The following TMEM68 variants were observed in gnomAD, a reference collection of about 807,000 sequenced individuals.
TMEM68 encodes transmembrane protein 68.
A neutral mutation model predicts 36.9 loss-of-function variants in TMEM68; 25 were observed. That is an observed-to-expected ratio of 0.68 (90% CI 0.49 to 0.95). The LOEUF is 0.95. Among genes scored for constraint, TMEM68 ranks in the 40% least tolerant of loss-of-function variants. The pLI is 0.00. For missense variants in TMEM68, 333 were observed against 392.0 expected, an observed-to-expected ratio of 0.85 and a Z score of 1.27; for synonymous variants, 131 against 124.4, an observed-to-expected ratio of 1.05 and a Z score of -0.35.
chr8:55,746,775 A>G (rs2129925530), intron 5 of TMEM68: 1 of 152,334 alleles, frequency 6.6e-6, no homozygotes, highest in East Asian at 1.9e-4. Context: ...CTACTACTTC[A>G]CATATAACTA....
At chr8:55,750,339 C>T (rs555355712) in intron 5 of TMEM68, among the ~76,000 whole-genome samples, 1 of 152,086 alleles carries the variant, frequency 6.6e-6, no homozygotes, top group South Asian at 2.1e-4. Flanking sequence ...CTCTAACTGG[C>T]CTGGAAAAAG....
intron 6 of TMEM68, among the ~76,000 whole-genome samples, chr8:55,744,609 T>A (rs980805846): frequency 6.6e-6 from 1 of 152,042 alleles, no homozygotes; most frequent in African/African-American, 2.4e-5. Context: ...TCCCGGCCGC[T>A]ACAAAATATT....
intron 5 of TMEM68, 58 bp from the exon 6 acceptor site, chr8:55,745,179 C>A: frequency 4.2e-6 from 5 of 1,178,894 alleles, no homozygotes; most frequent in South Asian, 3.4e-5. Flanking sequence ...TCAATGTCTC[C>A]ATTAGAGTAA....
intron 1 of TMEM68, among the ~76,000 whole-genome samples, chr8:55,764,559 A>G (rs1326567126): frequency 6.6e-6 from 1 of 152,210 alleles, no homozygotes; most frequent in East Asian, 1.9e-4. Flanking sequence ...AGAAAAATGT[A>G]TTGTTTTTAT....
intron 7 of TMEM68, among the ~76,000 whole-genome samples, chr8:55,741,625 G>A (rs1430047672): frequency 1.3e-5 from 2 of 152,170 alleles, no homozygotes; most frequent in Non-Finnish European, 1.5e-5. Context: ...GTGAGCAGGG[G>A]AGGACACATG....
intron 1 of TMEM68, among the ~76,000 whole-genome samples, chr8:55,769,954 A>T (rs1380213349): frequency 1.3e-5 from 2 of 152,172 alleles, no homozygotes; most frequent in African/African-American, 2.4e-5. Flanking sequence ...TTTAACAGAA[A>T]TCTGGATCAA....
At chr8:55,759,307 G>A (rs889755903) in intron 3 of TMEM68, among the ~76,000 whole-genome samples, 4 of 151,086 alleles carry the variant, frequency 2.6e-5, no homozygotes, top group East Asian at 1.9e-4. Flanking sequence ...ACAGTGGCTC[G>A]TGCCTATAAT....
chr8:55,758,853 T>G (rs1810687580), intron 3 of TMEM68, among the ~76,000 whole-genome samples: 1 of 151,998 alleles, frequency 6.6e-6, no homozygotes, highest in South Asian at 2.1e-4. Context: ...GTGGAAAAGG[T>G]GGATACATGC....
At chr8:55,760,212 T>C (rs1008535040) in intron 3 of TMEM68, among the ~76,000 whole-genome samples, 12 of 152,246 alleles carry the variant, frequency 7.9e-5, no homozygotes, top group African/African-American at 2.2e-4. Context: ...GATCCAACTA[T>C]GCCTCAGAGG....
At chr8:55,745,500 C>T (rs1331391683) in intron 5 of TMEM68, 1 of 152,932 alleles carries the variant, frequency 6.5e-6, no homozygotes, top group African/African-American at 2.4e-5. Flanking sequence ...GGAAACACTA[C>T]CCTCCAGTGG....
chr8:55,754,466 T>C (rs13271952), intron 4 of TMEM68, among the ~76,000 whole-genome samples: 115 of 118,946 alleles, frequency 9.7e-4, no homozygotes, highest in African/African-American at 2.6e-3. Flanking sequence ...TATATATATA[T>C]ACACACACAC....
intron 3 of TMEM68, chr8:55,760,902 A>G (rs1336345012): frequency 6.6e-6 from 1 of 152,248 alleles, no homozygotes; most frequent in African/African-American, 2.4e-5. Flanking sequence ...ACAGTCACTG[A>G]GTTTGAGGAT....
intron 1 of TMEM68, 23 bp from the exon 2 acceptor site, chr8:55,764,003 G>A (rs571695943): frequency 6.6e-6 from 1 of 152,008 alleles, no homozygotes; most frequent in East Asian, 1.9e-4. Flanking sequence ...GTAAACAAAT[G>A]TAAGAAATAA....
At chr8:55,750,161 A>G (rs35186855) in intron 5 of TMEM68, among the ~76,000 whole-genome samples, 3 of 152,154 alleles carry the variant, frequency 2.0e-5, no homozygotes, top group Non-Finnish European at 4.4e-5. Context: ...TATACATTAT[A>G]TTGATTATTC....
intron 1 of TMEM68, among the ~76,000 whole-genome samples, chr8:55,765,414 C>T (rs778200584): frequency 6.6e-6 from 1 of 152,162 alleles, no homozygotes; most frequent in East Asian, 1.9e-4. Flanking sequence ...ACACCATGTA[C>T]GGTAACCCCT....
chr8:55,744,023 A>G (rs1810188685), intron 6 of TMEM68, among the ~76,000 whole-genome samples: 1 of 152,112 alleles, frequency 6.6e-6, no homozygotes, highest in African/African-American at 2.4e-5. Context: ...TATTATTGCA[A>G]AACAAAGGCT....
At chr8:55,771,848 G>C (rs941911345) in intron 1 of TMEM68, among the ~76,000 whole-genome samples, 2 of 152,202 alleles carry the variant, frequency 1.3e-5, no homozygotes, top group African/African-American at 4.8e-5. Context: ...TTCAAACCAT[G>C]AATAAAGCTG....
rs113484781 is a variant in TMEM68 at position 55,771,155 on chromosome 8, CA to C, written c.-115+2113del. 1.9e-3 allele frequency among the ~76,000 whole-genome samples: 241 copies of C among 126,344 alleles called. 1 individual carries two copies. The highest frequency in any genetic ancestry group is 2.4e-3 in the East Asian group (11 of 4,626). The allele number at this position is 126,344 out of a possible 152,430, so 82.9% of individuals were successfully genotyped here. ...GGCAACAAAAATGAATCTCCGTCTC[CA>C]AAAAAAAAAAAAAGTTGACAAGCTC... On this transcript the variant is annotated intron_variant, in intron 1 of 7. Coordinates refer to ENST00000434581, the MANE Select transcript of TMEM68 (RefSeq NM_001286657.2).
intron 5 of TMEM68, chr8:55,747,622 C>A (rs188478346): frequency 2.6e-5 from 4 of 151,188 alleles, no homozygotes; most frequent in Non-Finnish European, 5.9e-5. Flanking sequence ...AGCCTCCATA[C>A]CTGGCCTTTA....
Sources: gnomAD v4.1 joint callset for allele counts (sites outside exome capture counted in the v4.1 genomes callset) on GRCh38, gnomAD v4.1.1 for gene constraint, MANE v1.5 for transcripts, NCBI Gene and HGNC (gene_info 2026-07-23, HGNC 2026-07-21) for gene names.